SNX20: variants seen among roughly 807,000 people sequenced by gnomAD.
SNX20 encodes the protein sorting nexin-20.
A neutral mutation model predicts 24.5 loss-of-function variants in SNX20; 21 were observed. The observed-to-expected ratio is 0.86, with a 90% CI of 0.61 to 1.23. The LOEUF is 1.23. Among genes scored for constraint, SNX20 ranks in the 50% most tolerant of loss-of-function variants. SNX20 has a pLI of 0.00. For synonymous variants in SNX20, 206 were observed against 192.8 expected, an observed-to-expected ratio of 1.07 and a Z score of -0.57; for missense variants, 433 against 430.8, an observed-to-expected ratio of 1.00 and a Z score of -0.04.
rs751885709 is a variant in SNX20 at position 50,673,926 on chromosome 16, T to C, written c.431A>G (p.His144Arg). The C allele has an allele frequency of 6.2e-7, 1 of 1,612,474 alleles. No individual in the cohort carries two copies. The highest frequency in any genetic ancestry group is 8.5e-7 in the Non-Finnish European group (1 of 1,179,672). ...CTCCTCAGCGAAGTTCCCAGTCAGG[T>C]GCTTCCTGGGAAACTCCACGTCTTC... is the stretch of plus-strand genomic sequence containing the variant. ...EIEDVEFPRK[H>R]LTGNFAEEMI... The change falls in exon 4 of 4, where the codon CAC becomes CGC. Residue 144 changes from histidine (H) to arginine (R), a missense_variant. Coordinates refer to ENST00000330943, the MANE Select transcript of SNX20 (RefSeq NM_182854.4). This position sits in a 1 kb window ranked among gnomAD's most constrained non-coding sequence, Gnocchi z 4.1.
intron 1 of SNX20, among the ~76,000 whole-genome samples, chr16:50,678,040 C>A (rs1460376862): frequency 6.7e-6 from 1 of 150,212 alleles, no homozygotes; most frequent in Admixed American, 6.6e-5. Context: ...GACCCCGTCT[C>A]TAGAAAAAAT....
exon 4 of SNX20, chr16:50,666,600 T>C (rs1399263238): frequency 6.6e-6 from 1 of 152,242 alleles, no homozygotes; most frequent in Non-Finnish European, 1.5e-5. Flanking sequence ...ATGCTCATAA[T>C]ATATAGTGAC....
intron 3 of SNX20, among the ~76,000 whole-genome samples, chr16:50,675,192 A>G (rs1351775599): frequency 6.6e-6 from 1 of 152,210 alleles, no homozygotes; most frequent in African/African-American, 2.4e-5. Context: ...ATCCCTTAAC[A>G]CAAGCTAAAA....
downstream of SNX20, chr16:50,667,569 T>C (rs1380652582): frequency 4.8e-6 from 1 of 206,196 alleles, no homozygotes; most frequent in East Asian, 1.1e-4. Flanking sequence ...TCCCCAGCTC[T>C]AGATAAGGCC....
chr16:50,674,770 A>G (rs1477180677), intron 3 of SNX20, among the ~76,000 whole-genome samples: 1 of 152,226 alleles, frequency 6.6e-6, no homozygotes, highest in East Asian at 1.9e-4. Flanking sequence ...CGTACAATAT[A>G]ACATCATTTA....
chr16:50,668,198 G>A, downstream of SNX20: 1 of 1,496,272 alleles, frequency 6.7e-7, no homozygotes, highest in African/African-American at 1.4e-5. Flanking sequence ...ATGGTCTGCA[G>A]CAACGCACGG....
downstream of SNX20, chr16:50,667,944 C>A: frequency 1.4e-6 from 2 of 1,427,862 alleles, no homozygotes; most frequent in Non-Finnish European, 1.9e-6. Flanking sequence ...GGGGGGGACC[C>A]ACTCAAGGAC....
In SNX20 at chr16:50,672,619, T is replaced by C. The variant is rs1255955419; in HGVS notation, c.*787A>G. The C allele has an allele frequency of 1.3e-5, 2 of 151,956 alleles. No individual in the cohort carries two copies. The highest frequency in any genetic ancestry group is 2.9e-5 in the Non-Finnish European group (2 of 68,036). The allele number at this position is 151,956 out of a possible 1,614,324, so 9.4% of individuals were successfully genotyped here. On this transcript the variant is annotated 3_prime_UTR_variant, in exon 4 of 4. Transcript: ENST00000330943. ...ACATGGTAAGGGGGAAGGGCTAGAA[T>C]ACTAAGATAGTATTAGGATAATGGA...
In SNX20 at chr16:50,673,471, G is replaced by T. The variant is rs1036310310; in HGVS notation, c.886C>A (p.Leu296Ile). 6.2e-7 allele frequency: 1 copy of T among 1,604,162 alleles called. No individual in the cohort carries two copies. The highest frequency in any genetic ancestry group is 8.5e-7 in the Non-Finnish European group (1 of 1,176,206). ...ATGCCTCGGGGCGTGGGCCTCCGGA[G>T]CTGGCTCTCCTCCAGCCTCTCCTGC... ...TLQERLEESQ[L>I]RRPTPRGITL... The change falls in exon 4 of 4, where the codon CTC (leucine) becomes ATC (isoleucine). Residue 296 changes from leucine to isoleucine, a missense_variant. Physicochemically the swap from Leu to Ile is conservative, Grantham distance 5. Coordinates refer to ENST00000330943, the MANE Select transcript of SNX20 (RefSeq NM_182854.4). This position sits in a 1 kb window ranked among gnomAD's most constrained non-coding sequence, Gnocchi z 4.1.
chr16:50,671,902 A>T lies in SNX20; in HGVS notation c.*1504T>A, dbSNP rs1963058250. The T allele has an allele frequency of 6.6e-6, 1 of 152,236 alleles. No individual in the cohort carries two copies. The highest frequency in any genetic ancestry group is 1.5e-5 in the Non-Finnish European group (1 of 68,056). 9.4% of individuals were successfully genotyped at this position (152,236 alleles called of 1,614,324 possible). The stretch of plus-strand genomic sequence containing the variant: ...CTAGTGCATAGCTGTCCACTTCTAG[A>T]GTGATCACTTGCTGGGCCAAGTTCC... On this transcript the variant is annotated 3_prime_UTR_variant, in exon 4 of 4. Transcript: ENST00000330943.
At chr16:50,676,040 T>C in intron 2 of SNX20, 119 bp from the exon 3 acceptor site, 1 of 1,100,962 alleles carries the variant, frequency 9.1e-7, no homozygotes. Context: ...GAGTATTGAA[T>C]ATCCCTCTCT....
intron 2 of SNX20, among the ~76,000 whole-genome samples, chr16:50,676,356 G>A (rs1286866531): frequency 6.6e-6 from 1 of 152,092 alleles, no homozygotes; most frequent in Non-Finnish European, 1.5e-5. Context: ...AGGCAGTGAG[G>A]AGGATGTTAT....
intron 3 of SNX20, among the ~76,000 whole-genome samples, 176 bp downstream of exon 3, chr16:50,675,594 C>G (rs1963161711): frequency 6.6e-6 from 1 of 152,120 alleles, no homozygotes; most frequent in Non-Finnish European, 1.5e-5. Flanking sequence ...CCTCACAGAC[C>G]CTAGCAGGTG....
chr16:50,675,762 C>T lies in SNX20; in HGVS notation c.282+8G>A, dbSNP rs771105766. ...AAGAGGCTCCACCATTTCCCAATCT[C>T]TGCTTACCACAAACTTAGAGACTTT... On this transcript the variant is annotated splice_region_variant and intron_variant, in intron 3 of 3. Coordinates refer to ENST00000330943, the MANE Select transcript of SNX20 (RefSeq NM_182854.4). 2 of 1,612,546 alleles carry T rather than the reference C, an allele frequency of 1.2e-6. No homozygotes were observed. The highest frequency in any genetic ancestry group is 1.7e-6 in the Non-Finnish European group (2 of 1,179,392).
At chr16:50,677,876 C>T (rs1283991469) in intron 1 of SNX20, among the ~76,000 whole-genome samples, 1 of 152,126 alleles carries the variant, frequency 6.6e-6, no homozygotes, top group Non-Finnish European at 1.5e-5. Flanking sequence ...GCTGGCTTGT[C>T]TAGATACTCA....
intron 1 of SNX20, 48 bp from the exon 2 acceptor site, chr16:50,677,583 C>T (rs1398485047): frequency 2.1e-6 from 3 of 1,446,654 alleles, no homozygotes; most frequent in African/African-American, 1.4e-5. Flanking sequence ...AGTTGGGGTT[C>T]CCGGTGGCTC....
chr16:50,675,095 T>A (rs1963152446), intron 3 of SNX20, among the ~76,000 whole-genome samples: 1 of 152,210 alleles, frequency 6.6e-6, no homozygotes, highest in African/African-American at 2.4e-5. Context: ...GGCATGCCAT[T>A]GGCATTCAGT....
chr16:50,671,071 C>T (rs1180292077), downstream of SNX20: 2 of 148,766 alleles, frequency 1.3e-5, no homozygotes, highest in Non-Finnish European at 3.0e-5. Flanking sequence ...GTGTGCACCC[C>T]CCGCCCCACC....
downstream of SNX20, chr16:50,669,666 A>G (rs1200489664): frequency 6.6e-6 from 1 of 152,550 alleles, no homozygotes; most frequent in Admixed American, 6.5e-5. Flanking sequence ...TGTGGAGTTC[A>G]GCAAGGAAAG....
Sources: allele counts gnomAD v4.1 joint callset (sites outside exome capture counted in the v4.1 genomes callset), GRCh38; gene constraint gnomAD v4.1.1; non-coding constraint Gnocchi (gnomAD v3.1); transcripts MANE v1.5; gene names NCBI Gene and HGNC (gene_info 2026-07-23, HGNC 2026-07-21).